ST6GALNAC3: variants seen among roughly 807,000 people sequenced by gnomAD.
The protein encoded by ST6GALNAC3 is alpha-N-acetylgalactosaminide alpha-2,6-sialyltransferase 3.
A neutral mutation model predicts 32.7 loss-of-function variants in ST6GALNAC3; 25 were observed. The ratio of observed to expected loss-of-function variants is 0.76; its 90% CI spans 0.56 to 1.07. The LOEUF is 1.07. Ranked by LOEUF, ST6GALNAC3 falls within the 50% of genes least tolerant of loss-of-function variation. The pLI is 0.00. For synonymous variants in ST6GALNAC3, 129 were observed against 133.1 expected, an observed-to-expected ratio of 0.97 and a Z score of 0.21; for missense variants, 355 against 382.4, an observed-to-expected ratio of 0.93 and a Z score of 0.60.
intron 2 of ST6GALNAC3, among the ~76,000 whole-genome samples, chr1:76,333,329 G>A (rs1647238202): frequency 6.6e-6 from 1 of 152,024 alleles, no homozygotes; most frequent in South Asian, 2.1e-4. Flanking sequence ...TAACTTTCTG[G>A]GCATTAAGAC....
intron 1 of ST6GALNAC3, among the ~76,000 whole-genome samples, chr1:76,229,823 T>A (rs748792901): frequency 6.6e-6 from 1 of 152,180 alleles, no homozygotes; most frequent in Non-Finnish European, 1.5e-5. Context: ...TTGCTAAATG[T>A]CAACGCATGC....
chr1:76,410,338 C>G (rs1654143646), intron 2 of ST6GALNAC3, among the ~76,000 whole-genome samples: 2 of 152,084 alleles, frequency 1.3e-5, no homozygotes, highest in African/African-American at 4.8e-5. Context: ...CCTAAATATG[C>G]TCATGGCCAA....
chr1:76,628,509 G>A (rs1649117083), intron 4 of ST6GALNAC3, 111 bp from the exon 5 acceptor site: 2 of 1,000,172 alleles, frequency 2.0e-6, no homozygotes, highest in East Asian at 2.7e-5. Context: ...CAAGAATCAT[G>A]TATGGGTTTG....
intron 1 of ST6GALNAC3, among the ~76,000 whole-genome samples, chr1:76,184,349 G>A (rs1653392636): frequency 6.6e-6 from 1 of 152,076 alleles, no homozygotes; most frequent in Non-Finnish European, 1.5e-5. Flanking sequence ...GACCAGCCTG[G>A]CCAACATAGT....
rs375979534 is a variant in ST6GALNAC3, at chr1:76,564,102, C to T, written c.624-63350C>T. ...CCTACTAGTTTGCTCCTAGTTAGAC[C>T]GTAGACTTAATCTTGCAGCATTGGT... On this transcript the variant is annotated intron_variant, in intron 3 of 4. Coordinates refer to ENST00000328299, the MANE Select transcript of ST6GALNAC3 (RefSeq NM_152996.4). Among the ~76,000 whole-genome samples the T allele has an allele frequency of 5.9e-5, 9 of 152,206 alleles. No individual in the cohort carries two copies. The East Asian group carries it at 1.2e-3, about 20-fold the overall frequency.
At chr1:76,537,354 T>C (rs887380104) in intron 3 of ST6GALNAC3, among the ~76,000 whole-genome samples, 5 of 152,184 alleles carry the variant, frequency 3.3e-5, no homozygotes, top group African/African-American at 1.2e-4. Context: ...TAGTACTAAA[T>C]GCCCATATCA....
intron 3 of ST6GALNAC3, among the ~76,000 whole-genome samples, chr1:76,467,695 C>T (rs1658731459): frequency 6.6e-6 from 1 of 151,790 alleles, no homozygotes; most frequent in African/African-American, 2.4e-5. Flanking sequence ...TTCTCTATTC[C>T]TGTCCATATT....
At chr1:76,598,197 C>T (rs527401673) in intron 3 of ST6GALNAC3, among the ~76,000 whole-genome samples, 16 of 152,278 alleles carry the variant, frequency 1.1e-4, no homozygotes, top group African/African-American at 3.8e-4. Flanking sequence ...TCCACTCTCA[C>T]AGCCTAATGA....
At chr1:76,313,658 AT>A in intron 1 of ST6GALNAC3, 146 bp from the exon 2 acceptor site, 1 of 925,010 alleles carries the variant, frequency 1.1e-6, no homozygotes, top group Non-Finnish European at 1.7e-6. Flanking sequence ...CCAAATAATT[AT>A]TTTCCATTTC....
At chr1:76,346,418 T>C (rs1648518003) in intron 2 of ST6GALNAC3, among the ~76,000 whole-genome samples, 1 of 152,182 alleles carries the variant, frequency 6.6e-6, no homozygotes, top group African/African-American at 2.4e-5. Context: ...AAAGGGTAGG[T>C]TGGCATTTCA....
At chr1:76,138,134 G>A (rs894462801) in intron 1 of ST6GALNAC3, among the ~76,000 whole-genome samples, 11 of 152,216 alleles carry the variant, frequency 7.2e-5, no homozygotes, top group African/African-American at 2.4e-4. Context: ...ACAGTCTAGT[G>A]AAGAAGACTG....
intron 1 of ST6GALNAC3, among the ~76,000 whole-genome samples, chr1:76,260,009 T>G (rs966831097): frequency 6.6e-6 from 1 of 152,092 alleles, no homozygotes; most frequent in Non-Finnish European, 1.5e-5. Flanking sequence ...TTTCTTTTTC[T>G]TTTTCTGACT....
chr1:76,137,095 G>A (rs1375823474), intron 1 of ST6GALNAC3, among the ~76,000 whole-genome samples: 5 of 152,208 alleles, frequency 3.3e-5, no homozygotes, highest in African/African-American at 4.8e-5. Context: ...AGGTCTGCCC[G>A]CCTGGGAGTC....
At chr1:76,554,495 G>C (rs1664807211) in intron 3 of ST6GALNAC3, among the ~76,000 whole-genome samples, 1 of 114,670 alleles carries the variant, frequency 8.7e-6, no homozygotes, top group African/African-American at 2.8e-5. Context: ...GATAGAGCAA[G>C]TGTGTTCTGG....
At chr1:76,255,824 A>G (rs1657887846) in intron 1 of ST6GALNAC3, among the ~76,000 whole-genome samples, 1 of 152,136 alleles carries the variant, frequency 6.6e-6, no homozygotes, top group South Asian at 2.1e-4. Flanking sequence ...ATTGTAAACT[A>G]GAAGAGTAGA....
chr1:76,097,771 GT>G (rs1647160370), intron 1 of ST6GALNAC3, among the ~76,000 whole-genome samples: 1 of 152,068 alleles, frequency 6.6e-6, no homozygotes, highest in Non-Finnish European at 1.5e-5. Context: ...GATATTTCCA[GT>G]TTTTAGCTAT....
intron 1 of ST6GALNAC3, among the ~76,000 whole-genome samples, chr1:76,208,331 A>G (rs17669251): frequency 0.076 from 11,556 of 152,322 alleles, 448 homozygotes; most frequent in Middle Eastern, 0.11. Context: ...ATGAGATGTC[A>G]CACAAATTTA....
At chr1:76,097,204 C>A (rs543350399) in intron 1 of ST6GALNAC3, among the ~76,000 whole-genome samples, 1 of 152,332 alleles carries the variant, frequency 6.6e-6, no homozygotes, top group African/African-American at 2.4e-5. Context: ...CAGGCGTGAA[C>A]CACTGCGCCC....
chr1:76,130,978 G>C (rs1030780219), intron 1 of ST6GALNAC3, among the ~76,000 whole-genome samples: 7 of 152,248 alleles, frequency 4.6e-5, no homozygotes, highest in Non-Finnish European at 5.9e-5. Context: ...TCATTGCTGA[G>C]AAGTGCCCCA....
Sources: gnomAD v4.1 joint callset for allele counts (sites outside exome capture counted in the v4.1 genomes callset) on GRCh38, gnomAD v4.1.1 for gene constraint, MANE v1.5 for transcripts, NCBI Gene and HGNC (gene_info 2026-07-23, HGNC 2026-07-21) for gene names.